Variants in WDR72 observed in about 807,000 individuals in gnomAD.
WDR72 encodes WD repeat-containing protein 72.
WDR72 carries 120 observed loss-of-function variants against 124.2 expected under a neutral mutation model. The ratio of observed to expected loss-of-function variants is 0.97; its 90% CI spans 0.83 to 1.12. The LOEUF is 1.12. Among genes scored for constraint, WDR72 ranks in the 50% most tolerant of loss-of-function variants. WDR72 has a pLI of 0.00. For missense variants in WDR72, 1,387 were observed against 1,278.8 expected (o/e 1.08, Z -1.29); for synonymous variants, 452 against 441.7 (o/e 1.02, Z -0.29).
chr15:53,534,255 C>G (rs1034278543), intron 18 of WDR72, among the ~76,000 whole-genome samples: 3 of 152,112 alleles, frequency 2.0e-5, no homozygotes, highest in Non-Finnish European at 4.4e-5. Flanking sequence ...AAGAAGTCTA[C>G]TTTATTTGCA....
At position 53,616,301 on chromosome 15, in the gene WDR72, C is replaced by A. The variant is rs999554911; in HGVS notation, c.1963-58G>T. 7 of 1,444,324 alleles carry A rather than the reference C, an allele frequency of 4.8e-6. No individual in the cohort carries two copies. The African/African-American group carries it at 5.6e-5, about 12-fold the overall frequency. The allele number at this position is 1,444,324 out of a possible 1,614,324, so 89.5% of individuals were successfully genotyped here. On this transcript the variant is annotated intron_variant, in intron 14 of 19. Coordinates refer to ENST00000360509, the MANE Select transcript of WDR72 (RefSeq NM_182758.4). ...CTTGCTTATTATTTTATTAAAGATT[C>A]CATGATGTTAAAGTGGCATTTTTAA...
intron 1 of WDR72, among the ~76,000 whole-genome samples, chr15:53,743,259 TTTTATAGAGTTTAA>T (rs1358466788): frequency 2.6e-4 from 40 of 152,222 alleles, no homozygotes; most frequent in Admixed American, 2.2e-3. Context: ...AAAAGCTGAT[TTTTATAGAGTTTAA>T]TTTATAGAGT....
chr15:53,693,666 C>T (rs1567032419), intron 13 of WDR72, among the ~76,000 whole-genome samples: 1 of 152,128 alleles, frequency 6.6e-6, no homozygotes, highest in Non-Finnish European at 1.5e-5. Context: ...CTAACTACTA[C>T]TATTTCTAAT....
intron 19 of WDR72, 34 bp downstream of exon 19, chr15:53,523,184 A>T (rs760175112): frequency 6.2e-7 from 1 of 1,601,314 alleles, no homozygotes; most frequent in Non-Finnish European, 8.5e-7. Context: ...CAAATTTATC[A>T]TTTTATACTT....
chr15:53,589,780 T>G (rs967673322), intron 18 of WDR72, among the ~76,000 whole-genome samples: 1 of 152,038 alleles, frequency 6.6e-6, no homozygotes, highest in Non-Finnish European at 1.5e-5. Flanking sequence ...TGATGAAATA[T>G]TCCAGTTTTT....
At chr15:53,756,121 T>C (rs2018897495) in intron 1 of WDR72, among the ~76,000 whole-genome samples, 1 of 152,210 alleles carries the variant, frequency 6.6e-6, no homozygotes. Flanking sequence ...AAATCTCATC[T>C]TGCAGTTCCC....
At chr15:53,655,185 C>T (rs998516047) in intron 14 of WDR72, among the ~76,000 whole-genome samples, 16 of 127,504 alleles carry the variant, frequency 1.3e-4, no homozygotes, top group Non-Finnish European at 2.5e-4. Flanking sequence ...GAGCAAGGAT[C>T]GCACCACTTC....
chr15:53,733,347 C>T (rs915994144), intron 1 of WDR72, among the ~76,000 whole-genome samples, 186 bp from the exon 2 acceptor site: 2 of 152,184 alleles, frequency 1.3e-5, no homozygotes, highest in East Asian at 1.9e-4. Context: ...TTACCATGCA[C>T]ACTGCTAATT....
intron 1 of WDR72, among the ~76,000 whole-genome samples, chr15:53,738,871 T>C (rs913840752): frequency 1.3e-5 from 2 of 152,254 alleles, no homozygotes; most frequent in Non-Finnish European, 2.9e-5. Context: ...CCTCCCAAAG[T>C]GCTGGGATTA....
chr15:53,580,200 GAAGT>G (rs1391151997), intron 18 of WDR72, among the ~76,000 whole-genome samples: 2 of 152,012 alleles, frequency 1.3e-5, no homozygotes, highest in African/African-American at 2.4e-5. Flanking sequence ...CAACTACCTT[GAAGT>G]AAGACATAAA....
intron 2 of WDR72, among the ~76,000 whole-genome samples, chr15:53,728,283 C>T (rs1036983419): frequency 1.3e-5 from 2 of 152,156 alleles, no homozygotes; most frequent in South Asian, 4.1e-4. Context: ...CTCACTTTCA[C>T]GAGAATAGCA....
intron 14 of WDR72, among the ~76,000 whole-genome samples, chr15:53,627,761 C>G (rs1288490675): frequency 6.6e-6 from 1 of 151,964 alleles, no homozygotes; most frequent in East Asian, 1.9e-4. Context: ...AAAAAACACA[C>G]AAAACTCACT....
intron 12 of WDR72, among the ~76,000 whole-genome samples, chr15:53,701,340 G>A (rs1353481680): frequency 6.6e-6 from 1 of 152,090 alleles, no homozygotes; most frequent in Admixed American, 6.6e-5. Context: ...CCAGGAGTTG[G>A]AGACCAGCCT....
intron 17 of WDR72, 147 bp downstream of exon 17, chr15:53,609,366 G>A (rs1023569523): frequency 4.8e-5 from 34 of 713,500 alleles, no homozygotes; most frequent in African/African-American, 2.5e-4. Context: ...GTTATGGTCC[G>A]TGTTTTCCCT....
chr15:53,554,435 C>G (rs1566958013), intron 18 of WDR72, among the ~76,000 whole-genome samples: 1 of 152,108 alleles, frequency 6.6e-6, no homozygotes, highest in Non-Finnish European at 1.5e-5. Context: ...GCAGCCAAAG[C>G]TGGTTCAGTT....
At chr15:53,520,533 T>TGTAA (rs746851064) in intron 19 of WDR72, among the ~76,000 whole-genome samples, 5 of 152,192 alleles carry the variant, frequency 3.3e-5, no homozygotes, top group South Asian at 4.1e-4. Flanking sequence ...CTAATGCAAT[T>TGTAA]GTAAGTTTAG....
Position 53,672,366 on chromosome 15 carries a change from C to T in WDR72, c.1766-6598G>A, listed in dbSNP as rs79047581. 9.8e-4 allele frequency among the ~76,000 whole-genome samples: 146 copies of T among 148,402 alleles called. 2 individuals are homozygous for T. The East Asian group carries it at 0.027, about 28-fold the overall frequency. The stretch of plus-strand genomic sequence containing the variant: ...ATTTGGAGTGAGCTGTTTCAGGAGA[C>T]GAGCATAAACCCCTGTTAGCAGTTT... On this transcript the variant is annotated intron_variant, in intron 13 of 19. Coordinates refer to ENST00000360509, the MANE Select transcript of WDR72 (RefSeq NM_182758.4).
intron 18 of WDR72, among the ~76,000 whole-genome samples, chr15:53,530,628 G>A (rs966461461): frequency 1.3e-5 from 2 of 152,000 alleles, no homozygotes; most frequent in African/African-American, 4.8e-5. Flanking sequence ...ATTCTAGGAA[G>A]AATTTATAGT....
chr15:53,517,831 AG>A (rs1891548192), intron 19 of WDR72, 77 bp from the exon 20 acceptor site: 7 of 1,356,146 alleles, frequency 5.2e-6, no homozygotes, highest in South Asian at 3.5e-5. Context: ...AGAGGAGGGG[AG>A]GGAGAGAGGA....
Sources: allele counts gnomAD v4.1 joint callset (sites outside exome capture counted in the v4.1 genomes callset), GRCh38; gene constraint gnomAD v4.1.1; transcripts MANE v1.5; gene names NCBI Gene and HGNC (gene_info 2026-07-23, HGNC 2026-07-21).